IMPG2: variants seen among roughly 807,000 people sequenced by gnomAD.
The protein encoded by IMPG2 is interphotoreceptor matrix proteoglycan 2, also known as IPM 200.
IMPG2 carries 91 observed loss-of-function variants against 129.2 expected under a neutral mutation model. The observed-to-expected ratio is 0.70, with a 90% CI of 0.59 to 0.84. The LOEUF is 0.84. IMPG2 is among the 40% of genes least tolerant of loss of function. The pLI is 0.00. For missense variants in IMPG2, 1,430 were observed against 1,461.7 expected, an observed-to-expected ratio of 0.98 and a Z score of 0.35; for synonymous variants, 510 against 517.7, an observed-to-expected ratio of 0.99 and a Z score of 0.20.
At chr3:101,229,320 G>GCGGCCC in intron 17 of IMPG2, 60 bp downstream of exon 17, 2 of 519,340 alleles carry the variant, frequency 3.9e-6, no homozygotes, top group Non-Finnish European at 6.1e-6. Flanking sequence ...ACCACCCCCT[G>GCGGCCC]CTCCCCCACA....
chr3:101,287,847 C>T (rs910014394), intron 4 of IMPG2, among the ~76,000 whole-genome samples: 14 of 151,966 alleles, frequency 9.2e-5, no homozygotes. Context: ...AATTTATGGC[C>T]AAGCCCCCAA....
intron 18 of IMPG2, among the ~76,000 whole-genome samples, 163 bp downstream of exon 18, chr3:101,228,629 ATAATC>A (rs1254216240): frequency 6.6e-6 from 1 of 152,234 alleles, no homozygotes; most frequent in Non-Finnish European, 1.5e-5. Flanking sequence ...AAGAAATGAG[ATAATC>A]TGCCTGGACA....
At chr3:101,241,655 A>C (rs1402349764) in intron 14 of IMPG2, among the ~76,000 whole-genome samples, 3 of 152,132 alleles carry the variant, frequency 2.0e-5, no homozygotes, top group Admixed American at 1.3e-4. Flanking sequence ...CATGGATTTG[A>C]GATATACTTA....
chr3:101,232,118 A>G (rs932514208), intron 15 of IMPG2, among the ~76,000 whole-genome samples: 4 of 152,180 alleles, frequency 2.6e-5, no homozygotes, highest in African/African-American at 7.2e-5. Flanking sequence ...GAGGAACGTG[A>G]TCTTATGCCT....
rs1186285698 is a variant in IMPG2 at position 101,231,046 on chromosome 3, T to C, written c.3333A>G (p.Gly1111=). 1 of 1,614,100 alleles carries C rather than the reference T, an allele frequency of 6.2e-7. No individual in the cohort carries two copies. The highest frequency in any genetic ancestry group is 1.1e-5 in the South Asian group (1 of 91,086). The part of the protein sequence containing the change: ...IIGITIASVV[G]LLVIFSAIIY... ...TGATAGCAGAAAAGATGACAAGAAGTCCAACCACGGAGGCAATAGTGATGC... is the reference window on the plus strand; with the variant it reads ...TGATAGCAGAAAAGATGACAAGAAGCCCAACCACGGAGGCAATAGTGATGC... The change falls in exon 16 of 19, where the codon GGA becomes GGG. Residue 1111 remains glycine (G), a synonymous_variant. Coordinates refer to ENST00000193391, the MANE Select transcript of IMPG2 (RefSeq NM_016247.4).
intron 3 of IMPG2, among the ~76,000 whole-genome samples, chr3:101,300,868 G>A (rs541612914): frequency 6.6e-6 from 1 of 152,302 alleles, no homozygotes; most frequent in South Asian, 2.1e-4. Context: ...TAACTATTTG[G>A]TGCAAGAGAC....
At position 101,244,564 on chromosome 3, in the gene IMPG2, T is replaced by C. The variant is rs1223033005; in HGVS notation, c.1767A>G (p.Ala589=). 4 of 1,593,398 alleles carry C rather than the reference T, an allele frequency of 2.5e-6. No individual in the cohort carries two copies. The highest frequency in any genetic ancestry group is 1.4e-5 in the African/African-American group (1 of 73,980). Residue 589 remains alanine, a synonymous_variant, in exon 13 of 19, where the codon GCA becomes GCG. Transcript: ENST00000193391. ...CAAATATTAACTCTTTTTCCATGGATGCATCTGGCAGGAAAGGGCTCACTT... is the reference window on the plus strand; with the variant it reads ...CAAATATTAACTCTTTTTCCATGGACGCATCTGGCAGGAAAGGGCTCACTT... ...QLKVSPFLPD[A]SMEKELIFDG...
At chr3:101,231,521 A>G (rs962304953) in intron 15 of IMPG2, among the ~76,000 whole-genome samples, 2 of 152,240 alleles carry the variant, frequency 1.3e-5, no homozygotes, top group Admixed American at 1.3e-4. Flanking sequence ...AGGCCTCCAG[A>G]CGCCCCATGT....
rs534703413 is a variant in IMPG2 at position 101,269,147 on chromosome 3, C to G, written c.887+368G>C. On this transcript the variant is annotated intron_variant, in intron 8 of 18. Coordinates refer to ENST00000193391, the MANE Select transcript of IMPG2 (RefSeq NM_016247.4). ...CATCCCTTCCAGAGTGGCCTCATAC[C>G]AAGATGTCAAAATCACCACACTGAC... 2.0e-5 allele frequency among the ~76,000 whole-genome samples: 3 copies of G among 152,226 alleles called. No homozygotes were observed. The South Asian group carries it at 6.2e-4, about 32-fold the overall frequency.
chr3:101,320,399 G>C lies in IMPG2; in HGVS notation c.-27C>G. On this transcript the variant is annotated 5_prime_UTR_variant, in exon 1 of 19. Coordinates refer to ENST00000193391, the MANE Select transcript of IMPG2 (RefSeq NM_016247.4). ...TGGGCCAAAACCAAAGGAATGAGGA[G>C]AGGACAGAATCCTTAATTGAGTGTC... 1 of 1,422,442 alleles carries C rather than the reference G, an allele frequency of 7.0e-7. No homozygotes were observed. The highest frequency in any genetic ancestry group is 9.9e-7 in the Non-Finnish European group (1 of 1,007,438). 88.1% of individuals were successfully genotyped at this position (1,422,442 alleles called of 1,614,324 possible).
intron 10 of IMPG2, among the ~76,000 whole-genome samples, chr3:101,254,798 G>A (rs144806288): frequency 1.3e-5 from 2 of 152,152 alleles, no homozygotes; most frequent in African/African-American, 4.8e-5. Context: ...TGAAGGTGGG[G>A]CCTGGTGGGA....
chr3:101,249,291 TG>T (rs1706519166), intron 11 of IMPG2, among the ~76,000 whole-genome samples: 1 of 152,196 alleles, frequency 6.6e-6, no homozygotes, highest in Non-Finnish European at 1.5e-5. Flanking sequence ...ATTATGCAAA[TG>T]TGCCATCATT....
rs1706278029 is a variant in IMPG2 at position 101,230,903 on chromosome 3, T to C, written c.3422+54A>G. 2.0e-6 allele frequency: 3 copies of C among 1,532,088 alleles called. 1 individual carries two copies. In the East Asian group the frequency reaches 6.7e-5, roughly 34 times the overall value. The allele number at this position is 1,532,088 out of a possible 1,614,324, so 94.9% of individuals were successfully genotyped here. ...TATTTGGCACCTGGTAAGTACTAAATAAATGTGTAAATGGAACATTGTATT... is the reference window on the plus strand; with the variant it reads ...TATTTGGCACCTGGTAAGTACTAAACAAATGTGTAAATGGAACATTGTATT... On this transcript the variant is annotated intron_variant, in intron 16 of 18. Coordinates refer to ENST00000193391, the MANE Select transcript of IMPG2 (RefSeq NM_016247.4).
Position 101,242,824 on chromosome 3 carries a change from G to A in IMPG2, c.2886C>T (p.Asn962=). ...LNFRNGSIVV[N]SRMKFANSVP... ...CAGAATTGGCAAACTTCATTCGACT[G>A]TTCACCACAATGCTGCCATTTCTGA... Residue 962 remains asparagine (N), a synonymous_variant, in exon 14 of 19, where the codon AAC becomes AAT. Coordinates refer to ENST00000193391, the MANE Select transcript of IMPG2 (RefSeq NM_016247.4). The A allele has an allele frequency of 6.2e-7, 1 of 1,614,044 alleles. No homozygotes were observed. Among genetic ancestry groups the A allele is most frequent in the Non-Finnish European group, 8.5e-7 (1 of 1,179,944 alleles).
chr3:101,238,698 T>G (rs1706373067), intron 14 of IMPG2, among the ~76,000 whole-genome samples: 1 of 152,144 alleles, frequency 6.6e-6, no homozygotes, highest in African/African-American at 2.4e-5. Flanking sequence ...TAGGCCTGCC[T>G]TACAAGAGCT....
intron 11 of IMPG2, among the ~76,000 whole-genome samples, chr3:101,248,261 G>A (rs892141148): frequency 6.6e-5 from 10 of 152,148 alleles, no homozygotes; most frequent in African/African-American, 2.4e-4. Flanking sequence ...TAAGTCTCAT[G>A]AGATATGATG....
intron 4 of IMPG2, among the ~76,000 whole-genome samples, chr3:101,285,867 C>A (rs1483127550): frequency 1.3e-5 from 2 of 152,062 alleles, no homozygotes; most frequent in Non-Finnish European, 2.9e-5. Context: ...GAAGTCTGGG[C>A]TTTTAGTATG....
In IMPG2 at chr3:101,226,982, C is replaced by T; in HGVS notation, c.3714-1G>A. ...CAGGAGTTTTGGTTAAACCTCTTCC[C>T]TGCCATGAAAACACAAAGAGCAATT... On this transcript the variant is annotated splice_acceptor_variant, in intron 18 of 18. Coordinates refer to ENST00000193391, the MANE Select transcript of IMPG2 (RefSeq NM_016247.4). LOFTEE classifies it high-confidence loss of function. 1.9e-6 allele frequency: 3 copies of T among 1,613,600 alleles called. No individual in the cohort carries two copies. Among genetic ancestry groups the T allele is most frequent in the Non-Finnish European group, 2.5e-6 (3 of 1,179,776 alleles).
At chr3:101,273,001 C>T (rs1005566581) in intron 7 of IMPG2, among the ~76,000 whole-genome samples, 5 of 152,076 alleles carry the variant, frequency 3.3e-5, no homozygotes, top group African/African-American at 1.2e-4. Context: ...GAGTTTAAGT[C>T]CTATATAGAA....
Sources: gnomAD v4.1 joint callset for allele counts (sites outside exome capture counted in the v4.1 genomes callset) on GRCh38, gnomAD v4.1.1 for gene constraint, MANE v1.5 for transcripts, NCBI Gene and HGNC (gene_info 2026-07-23, HGNC 2026-07-21) for gene names.